C3orf22: variants seen among roughly 807,000 people sequenced by gnomAD.
C3orf22 encodes the protein chromosome 3 open reading frame 22.
C3orf22 carries 7 observed loss-of-function variants against 10.8 expected under a neutral mutation model. That is an observed-to-expected ratio of 0.65 (90% CI 0.37 to 1.22). C3orf22 has a LOEUF of 1.22. C3orf22 is among the 50% of genes most tolerant of loss of function. The probability of loss-of-function intolerance (pLI) is 0.02; values close to 1 mark genes in which losing one functional copy is unlikely to be tolerated. For missense variants in C3orf22, 173 were observed against 177.0 expected, an observed-to-expected ratio of 0.98 and a Z score of 0.13; for synonymous variants, 79 against 78.9, an observed-to-expected ratio of 1.00 and a Z score of 0.00.
intron 1 of C3orf22, among the ~76,000 whole-genome samples, chr3:126,556,581 G>A (rs544923512): frequency 2.8e-4 from 43 of 152,116 alleles, no homozygotes; most frequent in African/African-American, 1.0e-3. Flanking sequence ...CAGCCTCAGA[G>A]GACCCAGGCC....
chr3:126,541,748 C>G (rs1039478444), intron 4 of C3orf22: 15 of 1,493,214 alleles, frequency 1.0e-5, no homozygotes, highest in Non-Finnish European at 1.3e-5. Flanking sequence ...GCGCTCGACC[C>G]TGGCGAAGGT....
chr3:126,552,301 G>A (rs2107581756), intron 2 of C3orf22, among the ~76,000 whole-genome samples, 179 bp from the exon 3 acceptor site: 1 of 152,372 alleles, frequency 6.6e-6, no homozygotes, highest in South Asian at 2.1e-4. Flanking sequence ...TACAGACAAG[G>A]AAACTGAGGC....
At chr3:126,549,226 T>C (rs937507510), downstream of C3orf22, among the ~76,000 whole-genome samples, 1 of 129,368 alleles carries the variant, frequency 7.7e-6, no homozygotes, top group Non-Finnish European at 1.7e-5. Flanking sequence ...TCAAAGGTAA[T>C]GATTGCTGCC....
intron 1 of C3orf22, among the ~76,000 whole-genome samples, chr3:126,556,644 CCACACA>C (rs35184055): frequency 0.39 from 57,837 of 149,996 alleles, 11,854 homozygotes; most frequent in African/African-American, 0.54. Context: ...ACTGCCGTTC[CCACACA>C]CACACACACA....
downstream of C3orf22, among the ~76,000 whole-genome samples, chr3:126,547,872 A>C (rs1937095019): frequency 6.6e-6 from 1 of 152,202 alleles, no homozygotes; most frequent in Non-Finnish European, 1.5e-5. Flanking sequence ...CCAGACATCT[A>C]CCCAAAAGAG....
chr3:126,550,824 C>A (rs1937165393), intron 3 of C3orf22, among the ~76,000 whole-genome samples: 2 of 152,274 alleles, frequency 1.3e-5, no homozygotes, highest in African/African-American at 4.8e-5. Flanking sequence ...CCACTGCCCC[C>A]TTCAGCTCCC....
chr3:126,534,798 C>G (rs1186726645), intron 4 of C3orf22, among the ~76,000 whole-genome samples: 2 of 149,852 alleles, frequency 1.3e-5, no homozygotes, highest in Non-Finnish European at 1.5e-5. Flanking sequence ...GAAAAACAGA[C>G]AGCATCCCTG....
At chr3:126,542,181 CGCGCGCGCTCCCCGACGCCCGG>C in intron 4 of C3orf22, 1 of 1,447,224 alleles carries the variant, frequency 6.9e-7, no homozygotes, top group East Asian at 2.9e-5. Context: ...CGCCTGCGGC[CGCGCGCGCTCCCCGACGCCCGG>C]GCCCGCGGCC....
At chr3:126,546,618 A>T (rs1937071395), downstream of C3orf22, among the ~76,000 whole-genome samples, 1 of 152,228 alleles carries the variant, frequency 6.6e-6, no homozygotes, top group South Asian at 2.1e-4. Flanking sequence ...CCCAGAAGAG[A>T]GAAGAGAGCC....
intron 4 of C3orf22, among the ~76,000 whole-genome samples, chr3:126,534,970 C>CAGA (rs1374932960): frequency 1.7e-5 from 2 of 118,314 alleles, no homozygotes; most frequent in Admixed American, 8.7e-5. Flanking sequence ...CGGAGACAGA[C>CAGA]CAGCATCCCT....
chr3:126,528,627 G>A (rs1322866919), intron 5 of C3orf22, among the ~76,000 whole-genome samples: 2 of 152,136 alleles, frequency 1.3e-5, no homozygotes, highest in African/African-American at 4.8e-5. Context: ...GGCTGGCCAT[G>A]GGCAGGGAAG....
At chr3:126,545,452 G>A (rs1247161112), downstream of C3orf22, among the ~76,000 whole-genome samples, 2 of 152,200 alleles carry the variant, frequency 1.3e-5, no homozygotes, top group Non-Finnish European at 2.9e-5. Context: ...GGTAGGGCTT[G>A]TTTTTCTTTT....
At chr3:126,541,803 A>G (rs772759411) in intron 4 of C3orf22, 42 of 1,552,520 alleles carry the variant, frequency 2.7e-5, no homozygotes, top group Non-Finnish European at 3.3e-5. Context: ...TGTAGCCGCC[A>G]CTCACGCCGG....
At chr3:126,541,986 C>A in intron 4 of C3orf22, 1 of 1,563,752 alleles carries the variant, frequency 6.4e-7, no homozygotes, top group Non-Finnish European at 8.6e-7. Flanking sequence ...GAGGCGCACG[C>A]GCCTGGCCGC....
intron 3 of C3orf22, among the ~76,000 whole-genome samples, chr3:126,551,113 T>G (rs887821227): frequency 2.0e-5 from 3 of 150,778 alleles, no homozygotes; most frequent in South Asian, 4.2e-4. Context: ...AGTCTGTTCT[T>G]TGTGTGTGTG....
chr3:126,542,693 C>G lies in C3orf22; in HGVS notation c.286+6844G>C, dbSNP rs1576239443. 11 of 1,343,368 alleles carry G rather than the reference C, an allele frequency of 8.2e-6. 1 individual carries two copies. In the Admixed American group the frequency reaches 4.0e-4, roughly 49 times the overall value. 83.2% of individuals were successfully genotyped at this position (1,343,368 alleles called of 1,614,324 possible). A position where few individuals can be genotyped will look rare whatever the true frequency, so the allele number is the denominator to read the frequency against. On this transcript the variant is annotated intron_variant and NMD_transcript_variant, in intron 4 of 5. Transcript: ENST00000505070. Reference sequence around the variant, plus strand: ...CTTCAAGAGCCACTGCGTGCACTCACCTGGCCGCCGGGCCAGCGGGCGCAG... The same window carrying G: ...CTTCAAGAGCCACTGCGTGCACTCAGCTGGCCGCCGGGCCAGCGGGCGCAG...
exon 5 of C3orf22, chr3:126,529,133 C>A (rs1936595944): frequency 2.8e-6 from 1 of 359,266 alleles, no homozygotes; most frequent in Non-Finnish European, 5.2e-6. Flanking sequence ...TGCCCTCACC[C>A]TGCACAGGGC....
At chr3:126,557,066 T>TCACACACAGATTCACA (rs1162371777) in intron 1 of C3orf22, among the ~76,000 whole-genome samples, 1 of 149,990 alleles carries the variant, frequency 6.7e-6, no homozygotes, top group Non-Finnish European at 1.5e-5. Context: ...ACTCACACAT[T>TCACACACAGATTCACA]CACACACAGA....
downstream of C3orf22, among the ~76,000 whole-genome samples, chr3:126,546,541 G>A (rs1440858154): frequency 1.3e-5 from 2 of 152,096 alleles, no homozygotes; most frequent in African/African-American, 4.8e-5. Flanking sequence ...CAGAGCCACT[G>A]GAGAGTTCTC....
Sources: gnomAD v4.1 joint callset for allele counts (sites outside exome capture counted in the v4.1 genomes callset) on GRCh38, gnomAD v4.1.1 for gene constraint, MANE v1.5 for transcripts, NCBI Gene and HGNC (gene_info 2026-07-23, HGNC 2026-07-21) for gene names.